SIM2: variants seen among roughly 807,000 people sequenced by gnomAD.
The protein encoded by SIM2 is SIM bHLH transcription factor 2, also known as single-minded homolog 2.
A neutral mutation model predicts 64.8 loss-of-function variants in SIM2; 28 were observed. The ratio of observed to expected loss-of-function variants is 0.43; its 90% CI spans 0.32 to 0.59. The LOEUF is 0.59. SIM2 is among the 20% of genes least tolerant of loss of function. SIM2 has a pLI of 0.07. For synonymous variants in SIM2, 408 were observed against 391.1 expected, an observed-to-expected ratio of 1.04 and a Z score of -0.51; for missense variants, 847 against 871.4, an observed-to-expected ratio of 0.97 and a Z score of 0.35.
In SIM2 at chr21:36,748,263, G is replaced by A. The variant is rs2089263334; in HGVS notation, c.*171G>A. 2 of 294,766 alleles carry A rather than the reference G, an allele frequency of 6.8e-6. No homozygotes were observed. The highest frequency in any genetic ancestry group is 5.8e-5 in the Admixed American group (1 of 17,116). 18.3% of individuals were successfully genotyped at this position (294,766 alleles called of 1,614,324 possible). ...CGCGGAGGCCCCGCGCGCCGGTGCC[G>A]AGGGCCGAGGAGCGCCCGGGTCCGG... On this transcript the variant is annotated 3_prime_UTR_variant, in exon 11 of 11. Coordinates refer to ENST00000290399, the MANE Select transcript of SIM2 (RefSeq NM_005069.6).
In SIM2 at chr21:36,723,083, T is replaced by C. The variant is rs747276342; in HGVS notation, c.496T>C (p.Cys166Arg). The change falls in exon 5 of 11, where the codon TGT becomes CGT. Residue 166 changes from cysteine (C) to arginine (R), a missense_variant. Cys to Arg is a radical substitution (Grantham distance 180, BLOSUM62 -3). This residue lies in a region of SIM2 where 397 missense variants were observed against 439.2 expected (regional missense o/e 0.90). Coordinates refer to ENST00000290399, the MANE Select transcript of SIM2 (RefSeq NM_005069.6). ...IERSFFLRMK[C>R]VLAKRNAGLT... ...GAGGTCGTTCTTTCTTCGAATGAAA[T>C]GTGTCTTGGCGAAAAGGAACGCGGG... 13 of 1,613,998 alleles carry C rather than the reference T, an allele frequency of 8.1e-6. No homozygotes were observed. The highest frequency in any genetic ancestry group is 1.3e-5 in the African/African-American group (1 of 74,900).
At chr21:36,709,038 A>C in intron 1 of SIM2, 130 bp from the exon 2 acceptor site, 1 of 709,808 alleles carries the variant, frequency 1.4e-6, no homozygotes. Context: ...GGAGCCGGGG[A>C]GGCGGCGGGG....
chr21:36,742,815 C>T (rs980528757), intron 8 of SIM2, among the ~76,000 whole-genome samples: 7 of 152,316 alleles, frequency 4.6e-5, no homozygotes, highest in African/African-American at 1.4e-4. Flanking sequence ...AGGGAGAAAA[C>T]AGTTTAGCCC....
intron 3 of SIM2, among the ~76,000 whole-genome samples, chr21:36,718,001 GC>G (rs1158630830): frequency 6.6e-6 from 1 of 152,164 alleles, no homozygotes; most frequent in East Asian, 1.9e-4. Flanking sequence ...AAAGTGCCAG[GC>G]TTGGGAAGTG....
intron 7 of SIM2, among the ~76,000 whole-genome samples, chr21:36,733,751 C>T (rs1165648342): frequency 2.0e-5 from 3 of 152,036 alleles, no homozygotes; most frequent in Non-Finnish European, 4.4e-5. Context: ...TTAGTAGAGA[C>T]GGGGTTTCAC....
At chr21:36,700,102 C>T (rs1352162068) in intron 1 of SIM2, among the ~76,000 whole-genome samples, 181 bp downstream of exon 1, 1 of 152,152 alleles carries the variant, frequency 6.6e-6, no homozygotes, top group African/African-American at 2.4e-5. Context: ...GGGGCCAGGG[C>T]CTTGGCGGCC....
At chr21:36,701,388 G>C (rs1372330568) in intron 1 of SIM2, 1 of 152,350 alleles carries the variant, frequency 6.6e-6, no homozygotes, top group Non-Finnish European at 1.5e-5. Flanking sequence ...CTGGAGCTGC[G>C]CTTCTCGGCC....
Position 36,707,587 on chromosome 21 carries a change from T to G in SIM2, c.176-1581T>G, listed in dbSNP as rs575858891. On this transcript the variant is annotated intron_variant, in intron 1 of 10. Transcript: ENST00000290399. ...CCCTTTTTAAATTGAGGAATAGTGG[T>G]TTTTTTTAACTTTTTTTTTTTTAGG... Among the ~76,000 whole-genome samples, 112 of 151,872 alleles carry G rather than the reference T, an allele frequency of 7.4e-4. 1 individual carries two copies. The highest frequency in any genetic ancestry group is 1.1e-3 in the Admixed American group (17 of 15,236).
chr21:36,700,371 C>T (rs1008067129), intron 1 of SIM2, among the ~76,000 whole-genome samples: 5 of 147,408 alleles, frequency 3.4e-5, no homozygotes, highest in East Asian at 2.0e-4. Flanking sequence ...TCCTTCCTTC[C>T]TTGGCCCCCT....
intron 7 of SIM2, among the ~76,000 whole-genome samples, chr21:36,736,795 TTTTC>T (rs1197311276): frequency 9.8e-5 from 14 of 142,520 alleles, no homozygotes; most frequent in East Asian, 2.0e-4. Context: ...CCTTCTTTCT[TTTTC>T]TTTCTGTCTT....
At chr21:36,740,896 C>T (rs1323339029) in intron 7 of SIM2, among the ~76,000 whole-genome samples, 1 of 152,200 alleles carries the variant, frequency 6.6e-6, no homozygotes, top group Non-Finnish European at 1.5e-5. Context: ...CCAAGGGTGT[C>T]TTTCTAGACT....
chr21:36,699,459 C>G lies in SIM2; in HGVS notation c.-288C>G, dbSNP rs1186244425. 1 of 233,344 alleles carries G rather than the reference C, an allele frequency of 4.3e-6. No individual in the cohort carries two copies. The highest frequency in any genetic ancestry group is 9.5e-5 in the East Asian group (1 of 10,524). 14.5% of individuals were successfully genotyped at this position (233,344 alleles called of 1,614,324 possible). The stretch of plus-strand genomic sequence containing the variant: ...GGCAGGAGAGGCAGGAGGGAGGAAA[C>G]AGGAGCGAGCAGGAACGGGGCTCCG... On this transcript the variant is annotated 5_prime_UTR_variant, in exon 1 of 11. Transcript: ENST00000290399. This position sits in a 1 kb window ranked among gnomAD's most constrained non-coding sequence, Gnocchi z 5.6.
chr21:36,712,392 C>T (rs2088689387), intron 2 of SIM2, 141 bp from the exon 3 acceptor site: 2 of 609,732 alleles, frequency 3.3e-6, no homozygotes, highest in Non-Finnish European at 5.7e-6. Flanking sequence ...TTTTAAGACC[C>T]TGGGCTTCAT....
In SIM2 at chr21:36,699,903, C is replaced by G. The variant is rs765158971; in HGVS notation, c.157C>G (p.Arg53Gly). 6.2e-7 allele frequency: 1 copy of G among 1,603,962 alleles called. No homozygotes were observed. The highest frequency in any genetic ancestry group is 8.5e-7 in the Non-Finnish European group (1 of 1,175,492). The change falls in exon 1 of 11, where the codon CGC (arginine) becomes GGC (glycine). Residue 53 changes from arginine to glycine, a missense_variant. By Grantham distance (125) the Arg-to-Gly change is moderately radical. Around this residue, in one of 3 missense-constraint regions of SIM2, gnomAD observed 397 missense variants for 439.2 expected, o/e 0.90. Coordinates refer to ENST00000290399, the MANE Select transcript of SIM2 (RefSeq NM_005069.6). The surrounding 1 kb of genome is among the most constrained non-coding windows in gnomAD (Gnocchi z 5.6). ...CCTCACCACGAGCTACCTGAAGATGCGCGCCGTCTTCCCCGAAGGTGAGGC... is the reference window on the plus strand; with the variant it reads ...CCTCACCACGAGCTACCTGAAGATGGGCGCCGTCTTCCCCGAAGGTGAGGC... ...IRLTTSYLKMRAVFPEGLGDA... is the reference protein window; with the variant it reads ...IRLTTSYLKMGAVFPEGLGDA...
chr21:36,719,302 T>C (rs1427059353), intron 3 of SIM2, among the ~76,000 whole-genome samples: 10 of 152,256 alleles, frequency 6.6e-5, no homozygotes. Flanking sequence ...TTTGTCTGAG[T>C]TCATGTCCTC....
chr21:36,709,439 C>T (rs1172646022), intron 2 of SIM2, 189 bp downstream of exon 2: 3 of 701,532 alleles, frequency 4.3e-6, no homozygotes, highest in East Asian at 5.4e-5. Context: ...CTGCGGCCAA[C>T]CCTACCCTAA....
At position 36,746,083 on chromosome 21, in the gene SIM2, A is replaced by G. The variant is rs866790440; in HGVS notation, c.1576+947A>G. ...GTAATCCCAGCACTTTGGGAGGCCA[A>G]GGTGGGCGGATCACCTGAGGTCAGG... On this transcript the variant is annotated intron_variant, in intron 10 of 10. Coordinates refer to ENST00000290399, the MANE Select transcript of SIM2 (RefSeq NM_005069.6). The G allele has an allele frequency of 4.8e-4, 398 of 825,880 alleles. 5 individuals carry two copies. Among genetic ancestry groups the G allele is most frequent in the Middle Eastern group, 2.3e-3 (4 of 1,772 alleles). The allele number at this position is 825,880 out of a possible 1,614,324, so 51.2% of individuals were successfully genotyped here.
At chr21:36,700,175 G>C (rs1420216719) in intron 1 of SIM2, among the ~76,000 whole-genome samples, 1 of 152,198 alleles carries the variant, frequency 6.6e-6, no homozygotes, top group Non-Finnish European at 1.5e-5. Flanking sequence ...TTGTTCCAGG[G>C]GCAGGCAGTC....
chr21:36,716,599 AC>A (rs2088749743), intron 3 of SIM2, among the ~76,000 whole-genome samples: 1 of 152,130 alleles, frequency 6.6e-6, no homozygotes, highest in South Asian at 2.1e-4. Flanking sequence ...TCAGCAAAAC[AC>A]CCCAGAGTAA....
Sources: gnomAD v4.1 joint callset for allele counts (sites outside exome capture counted in the v4.1 genomes callset) on GRCh38, gnomAD v4.1.1 for gene constraint, gnomAD v4.1.1 regional missense constraint, Gnocchi (gnomAD v3.1) non-coding constraint, MANE v1.5 for transcripts, NCBI Gene and HGNC (gene_info 2026-07-23, HGNC 2026-07-21) for gene names.